The following MAP7D2 variants were observed in gnomAD, a reference collection of about 807,000 sequenced individuals.
The protein encoded by MAP7D2 is MAP7 domain-containing protein 2.
In MAP7D2, 33 loss-of-function variants were observed where a neutral mutation model predicts 63.5. That is an observed-to-expected ratio of 0.52 (90% confidence interval 0.39 to 0.70). The LOEUF is 0.70. Among genes scored for constraint, MAP7D2 ranks in the 30% least tolerant of loss-of-function variants. MAP7D2 has a pLI of 0.00. For missense variants in MAP7D2, 626 were observed against 604.0 expected (o/e 1.04, Z -0.38); for synonymous variants, 224 against 223.7 (o/e 1.00, Z -0.01).
chrX:20,047,395 G>A (rs1405064427), intron 6 of MAP7D2, among the ~76,000 whole-genome samples: 3 of 111,995 alleles, frequency 2.7e-5, no homozygotes, highest in Non-Finnish European at 5.6e-5. Flanking sequence ...GTCAGGCCTG[G>A]AAGGCATTCA....
At chrX:20,037,304 G>A (rs988813975) in intron 8 of MAP7D2, among the ~76,000 whole-genome samples, 2 of 111,293 alleles carry the variant, frequency 1.8e-5, no homozygotes, top group African/African-American at 6.5e-5. Context: ...AGTGGAAATG[G>A]TATATACATG....
In MAP7D2 at chrX:20,082,818, C is replaced by T. The variant is rs1335430608; in HGVS notation, c.131-18013G>A. On this transcript the variant is annotated intron_variant, in intron 1 of 16. Transcript: ENST00000379643. ...TAATGTTTTGTATTTTTAGTAGAGA[C>T]GGGGTTTCATTATATTGACCAGACT... 5.4e-5 allele frequency among the ~76,000 whole-genome samples: 6 copies of T among 111,383 alleles called. No individual in the cohort carries two copies. In the East Asian group the frequency reaches 8.5e-4, roughly 16 times the overall value.
chrX:20,013,199 T>A, intron 13 of MAP7D2, 67 bp from the exon 14 acceptor site: 1 of 820,070 alleles, frequency 1.2e-6, no homozygotes, highest in Non-Finnish European at 1.8e-6. Flanking sequence ...AAGTACTTTT[T>A]AAAAGCATCC....
intron 1 of MAP7D2, among the ~76,000 whole-genome samples, chrX:20,104,518 C>T (rs1173016341): frequency 8.9e-6 from 1 of 111,999 alleles, no homozygotes; most frequent in Non-Finnish European, 1.9e-5. Context: ...CCAGGCTGGT[C>T]TCGAACTCCT....
At chrX:20,064,484 G>A (rs751647977) in intron 2 of MAP7D2, among the ~76,000 whole-genome samples, 5 of 111,881 alleles carry the variant, frequency 4.5e-5, no homozygotes, top group Non-Finnish European at 9.4e-5. Flanking sequence ...CTTCAATATC[G>A]TAACTGCAGA....
chrX:20,094,514 ATG>A (rs1429070550), intron 1 of MAP7D2, among the ~76,000 whole-genome samples: 3,283 of 9,727 alleles, frequency 0.34, 523 homozygotes, highest in African/African-American at 0.45. Context: ...ATATATATAT[ATG>A]TATATATATA....
In MAP7D2 at chrX:20,007,557, A is replaced by G. The variant is rs979398159; in HGVS notation, c.*868T>C. On this transcript the variant is annotated 3_prime_UTR_variant, in exon 17 of 17. Transcript: ENST00000379643. ...ATTAAAGCTGGGCAAACACAGGAGC[A>G]AACAAAGAAAACTCCCAAGATCCAA... 7 of 111,560 alleles carry G rather than the reference A, an allele frequency of 6.3e-5. No homozygotes were observed. The highest frequency in any genetic ancestry group is 2.0e-4 in the African/African-American group (6 of 30,557). 9.2% of individuals were successfully genotyped at this position (111,560 alleles called of 1,213,427 possible).
intron 1 of MAP7D2, among the ~76,000 whole-genome samples, chrX:20,094,515 T>C (rs28588576): frequency 0.036 from 201 of 5,575 alleles, 10 homozygotes; most frequent in Admixed American, 0.081. Flanking sequence ...TATATATATA[T>C]GTATATATAT....
At chrX:20,022,362 G>A (rs2073683471) in intron 10 of MAP7D2, among the ~76,000 whole-genome samples, 1 of 111,482 alleles carries the variant, frequency 9.0e-6, no homozygotes. Context: ...GGTGGATCCA[G>A]TGGGCAGGGG....
chrX:20,087,259 T>C (rs1017039044), intron 1 of MAP7D2, among the ~76,000 whole-genome samples: 1 of 112,396 alleles, frequency 8.9e-6, no homozygotes, highest in African/African-American at 3.2e-5. Context: ...TAAAGCCAGG[T>C]GGGAGGAGTT....
intron 3 of MAP7D2, among the ~76,000 whole-genome samples, chrX:20,057,829 C>T (rs1603379002): frequency 1.8e-5 from 2 of 112,400 alleles, no homozygotes; most frequent in Admixed American, 1.9e-4. Context: ...AGGACATCAT[C>T]AACTGAGTAA....
At chrX:20,025,535 G>A (rs2073808534) in intron 9 of MAP7D2, 146 bp downstream of exon 9, 3 of 739,328 alleles carry the variant, frequency 4.1e-6, no homozygotes, top group African/African-American at 2.1e-5. Context: ...CAGGAGCAAC[G>A]TGCAAACCCA....
intron 6 of MAP7D2, among the ~76,000 whole-genome samples, chrX:20,047,318 C>T (rs779924441): frequency 1.6e-4 from 18 of 112,100 alleles, no homozygotes; most frequent in Non-Finnish European, 3.4e-4. Context: ...TCTTTTTTTC[C>T]AGGGAACCAC....
intron 8 of MAP7D2, among the ~76,000 whole-genome samples, chrX:20,027,786 G>C (rs866368345): frequency 3.8e-4 from 36 of 95,237 alleles, no homozygotes; most frequent in African/African-American, 5.5e-4. Context: ...GAGAGAGAGA[G>C]AGAGACAGAG....
chrX:20,045,060 C>T, intron 6 of MAP7D2, among the ~76,000 whole-genome samples: 1 of 110,999 alleles, frequency 9.0e-6, no homozygotes, highest in Non-Finnish European at 1.9e-5. Flanking sequence ...ATATCTAGCC[C>T]CCAGTAAAAA....
chrX:20,072,362 C>T (rs2065525978), intron 1 of MAP7D2, among the ~76,000 whole-genome samples: 1 of 110,993 alleles, frequency 9.0e-6, no homozygotes, highest in African/African-American at 3.3e-5. Context: ...TCATTCACCA[C>T]CCTCAGGCAC....
intron 10 of MAP7D2, among the ~76,000 whole-genome samples, chrX:20,022,340 T>C (rs771391297): frequency 9.0e-6 from 1 of 111,372 alleles, no homozygotes; most frequent in East Asian, 2.8e-4. Context: ...TGAAGGCCTG[T>C]TGACAGGTTC....
At chrX:20,078,676 A>C (rs2065704900) in intron 1 of MAP7D2, among the ~76,000 whole-genome samples, 1 of 112,479 alleles carries the variant, frequency 8.9e-6, no homozygotes, top group African/African-American at 3.2e-5. Context: ...ATATATGCAA[A>C]GCTCTTAGAA....
chrX:20,116,065 G>C (rs2066883456), intron 1 of MAP7D2, among the ~76,000 whole-genome samples: 1 of 112,934 alleles, frequency 8.9e-6, no homozygotes, highest in Non-Finnish European at 1.9e-5. Flanking sequence ...CCAGGGACCA[G>C]CCCTCCATGG....
Sources: allele counts gnomAD v4.1 joint callset (sites outside exome capture counted in the v4.1 genomes callset), GRCh38; gene constraint gnomAD v4.1.1; transcripts MANE v1.5; gene names NCBI Gene and HGNC (gene_info 2026-07-23, HGNC 2026-07-21).